SMURF1: variants seen among roughly 807,000 people sequenced by gnomAD.
SMURF1 encodes the protein E3 ubiquitin-protein ligase SMURF1.
SMURF1 carries 44 observed loss-of-function variants against 98.0 expected under a neutral mutation model. That is an observed-to-expected ratio of 0.45 (90% CI 0.35 to 0.58). The LOEUF is 0.58. Among genes scored for constraint, SMURF1 ranks in the 20% least tolerant of loss-of-function variants. The pLI, the probability that SMURF1 is intolerant of heterozygous loss-of-function variation, is 0.00. For missense variants in SMURF1, 687 were observed against 938.4 expected, an observed-to-expected ratio of 0.73 and a Z score of 3.50; for synonymous variants, 396 against 374.9, an observed-to-expected ratio of 1.06 and a Z score of -0.65.
chr7:99,061,964 TAGTA>T, intron 1 of SMURF1, 127 bp from the exon 2 acceptor site: 1 of 620,150 alleles, frequency 1.6e-6, no homozygotes, highest in Non-Finnish European at 2.7e-6. Flanking sequence ...CTTTCAAATC[TAGTA>T]TCATATGAAA....
chr7:99,143,649 T>C (rs1584229318), intron 1 of SMURF1, 77 bp downstream of exon 1: 1 of 1,331,610 alleles, frequency 7.5e-7, no homozygotes, highest in Non-Finnish European at 1.0e-6. Flanking sequence ...GAGGGCCGCT[T>C]CCAAGGGCGC....
chr7:99,098,724 G>A lies in SMURF1; in HGVS notation c.56-36887C>T, dbSNP rs561109297. Among the ~76,000 whole-genome samples, 19 of 152,218 alleles carry A rather than the reference G, an allele frequency of 1.2e-4. No individual in the cohort carries two copies. In the South Asian group the frequency reaches 3.9e-3, roughly 32 times the overall value. ...TTATATTTGTTCTATGTCTGGTCAAGGGAAACTGCAGAATTTAGCTGAATA... is the reference window on the plus strand; with the variant it reads ...TTATATTTGTTCTATGTCTGGTCAAAGGAAACTGCAGAATTTAGCTGAATA... On this transcript the variant is annotated intron_variant, in intron 1 of 17. Transcript: ENST00000361368.
Position 99,045,724 on chromosome 7 carries a change from T to C in SMURF1, c.1230A>G (p.Glu410=). The C allele has an allele frequency of 6.2e-7, 1 of 1,614,144 alleles. No individual in the cohort carries two copies. Among genetic ancestry groups the C allele is most frequent in the East Asian group, 2.2e-5 (1 of 44,894 alleles). ...TGGCCACACCACCGTAATCCAAACCTTCTTCCCCACGGAATTTCACCATCA... is the reference window on the plus strand; with the variant it reads ...TGGCCACACCACCGTAATCCAAACCCTCTTCCCCACGGAATTTCACCATCA... ...KRLMVKFRGE[E]GLDYGGVARE... The change falls in exon 11 of 18, where the codon GAA becomes GAG. Residue 410 remains glutamate, a synonymous_variant. Transcript: ENST00000361368.
At chr7:99,081,628 T>C (rs1431823258) in intron 1 of SMURF1, among the ~76,000 whole-genome samples, 1 of 152,172 alleles carries the variant, frequency 6.6e-6, no homozygotes, top group Non-Finnish European at 1.5e-5. Flanking sequence ...CACCACATTC[T>C]AGCCACCGCT....
At chr7:99,059,850 G>A (rs1795988167) in intron 3 of SMURF1, among the ~76,000 whole-genome samples, 1 of 151,554 alleles carries the variant, frequency 6.6e-6, no homozygotes, top group Non-Finnish European at 1.5e-5. Context: ...GGAGGTCACA[G>A]TGAGCCGAGA....
In SMURF1 at chr7:99,064,582, C is replaced by G. The variant is rs546676203; in HGVS notation, c.56-2745G>C. Among the ~76,000 whole-genome samples, 4 of 152,216 alleles carry G rather than the reference C, an allele frequency of 2.6e-5. No homozygotes were observed. The East Asian group carries it at 7.7e-4, about 29-fold the overall frequency. On this transcript the variant is annotated intron_variant, in intron 1 of 17. Coordinates refer to ENST00000361368, the MANE Select transcript of SMURF1 (RefSeq NM_181349.3). ...CAGATTTTTGCATTTCTTCTTCAGC[C>G]TTAGTAGTTTGTGTCTTTGTAGATG...
rs1486997847 is a variant in SMURF1, at chr7:99,142,638, G to A, written c.55+1088C>T. 3.2e-5 allele frequency among the ~76,000 whole-genome samples: 4 copies of A among 125,322 alleles called. No homozygotes were observed. The East Asian group carries it at 9.1e-4, about 29-fold the overall frequency. The allele number at this position is 125,322 out of a possible 152,430, so 82.2% of individuals were successfully genotyped here. ...GGGGAAGAAGGGAGGAGGACGGTGTGGGGGGGTGAGGGAGAAACGAAAGAG... is the reference window on the plus strand; with the variant it reads ...GGGGAAGAAGGGAGGAGGACGGTGTAGGGGGGTGAGGGAGAAACGAAAGAG... On this transcript the variant is annotated intron_variant, in intron 1 of 17. Transcript: ENST00000361368.
chr7:99,113,089 A>G (rs1249031275), intron 1 of SMURF1, among the ~76,000 whole-genome samples: 1 of 152,192 alleles, frequency 6.6e-6, no homozygotes, highest in Non-Finnish European at 1.5e-5. Context: ...GAGAAGAGAA[A>G]GGAGCAGGAA....
At chr7:99,052,138 A>G in intron 7 of SMURF1, 67 bp downstream of exon 7, 1 of 1,470,088 alleles carries the variant, frequency 6.8e-7, no homozygotes, top group Non-Finnish European at 9.0e-7. Flanking sequence ...GTCTCAAAAA[A>G]AAAAAAAAAG....
At chr7:99,073,385 A>G (rs1384465005) in intron 1 of SMURF1, among the ~76,000 whole-genome samples, 1 of 151,740 alleles carries the variant, frequency 6.6e-6, no homozygotes, top group Non-Finnish European at 1.5e-5. Flanking sequence ...CTCAAAAAAA[A>G]AAAAAAGAAA....
At chr7:99,125,836 T>C (rs1391662814) in intron 1 of SMURF1, among the ~76,000 whole-genome samples, 1 of 152,210 alleles carries the variant, frequency 6.6e-6, no homozygotes. Context: ...ATTTATCATC[T>C]CATTTCCTGA....
intron 16 of SMURF1, among the ~76,000 whole-genome samples, chr7:99,035,137 C>G (rs1235970731): frequency 6.6e-6 from 1 of 152,232 alleles, no homozygotes; most frequent in Non-Finnish European, 1.5e-5. Flanking sequence ...ATGTGCAGCT[C>G]CAAGCTTTGG....
In SMURF1 at chr7:99,046,362, G is replaced by A. The variant is rs186410490; in HGVS notation, c.1153-561C>T. The stretch of plus-strand genomic sequence containing the variant: ...CAGCACTTGAAGCAGAAGCCGCTAC[G>A]TGTTTATAGATGTAGATTCAGTAAC... On this transcript the variant is annotated intron_variant, in intron 10 of 17. Transcript: ENST00000361368. Among the ~76,000 whole-genome samples, 50 of 152,300 alleles carry A rather than the reference G, an allele frequency of 3.3e-4. No individual in the cohort carries two copies. In the East Asian group the frequency reaches 5.6e-3, roughly 17 times the overall value.
At chr7:99,137,734 C>A (rs1265729083) in intron 1 of SMURF1, among the ~76,000 whole-genome samples, 2 of 151,872 alleles carry the variant, frequency 1.3e-5, no homozygotes, top group Non-Finnish European at 2.9e-5. Context: ...CAGAGTGGGG[C>A]GCGTCACCAG....
intron 1 of SMURF1, among the ~76,000 whole-genome samples, chr7:99,084,809 C>G (rs1469590806): frequency 6.6e-6 from 1 of 152,162 alleles, no homozygotes; most frequent in South Asian, 2.1e-4. Flanking sequence ...ATGGGTCCCC[C>G]CGCAAATCTC....
chr7:99,029,376 ATCTAGCCTTGCT>A lies in SMURF1; in HGVS notation c.*1196_*1207del, dbSNP rs1794805429. ...CTGGAAATGGTGTCAGAAACTTCGA[ATCTAGCCTTGCT>A]TCTGGCCTTGCTCATCATATGAAGA... is the stretch of plus-strand genomic sequence containing the variant. On this transcript the variant is annotated 3_prime_UTR_variant, in exon 18 of 18. Coordinates refer to ENST00000361368, the MANE Select transcript of SMURF1 (RefSeq NM_181349.3). 1 of 152,456 alleles carries A rather than the reference ATCTAGCCTTGCT, an allele frequency of 6.6e-6. No individual in the cohort carries two copies. The highest frequency in any genetic ancestry group is 2.4e-5 in the African/African-American group (1 of 41,566). 9.4% of individuals were successfully genotyped at this position (152,456 alleles called of 1,614,324 possible).
At chr7:99,042,089 T>C in intron 12 of SMURF1, 29 bp downstream of exon 12, 1 of 1,547,706 alleles carries the variant, frequency 6.5e-7, no homozygotes, top group Non-Finnish European at 8.9e-7. Flanking sequence ...CCAACTCAAT[T>C]CCCTACCTCT....
In SMURF1 at chr7:99,051,420, C is replaced by T. The variant is rs1340222755; in HGVS notation, c.743G>A (p.Gly248Asp). 6.2e-7 allele frequency: 1 copy of T among 1,614,026 alleles called. No individual in the cohort carries two copies. Among genetic ancestry groups the T allele is most frequent in the Non-Finnish European group, 8.5e-7 (1 of 1,179,930 alleles). The change falls in exon 8 of 18, where the codon GGC becomes GAC. Residue 248 changes from glycine (G) to aspartate (D), a missense_variant. Gly to Asp is a moderately conservative substitution (Grantham distance 94, BLOSUM62 -1). This residue lies in a region of SMURF1 where 415 missense variants were observed against 508.4 expected (regional missense o/e 0.82). Transcript: ENST00000361368. Reference sequence around the variant, plus strand: ...CTGTGTATGCAAAAAGTAAACTTGGCCCTGGACTGTTGTTCTTTGTTCTAC... The same window carrying T: ...CTGTGTATGCAAAAAGTAAACTTGGTCCTGGACTGTTGTTCTTTGTTCTAC... The part of the protein sequence containing the change: ...EGYEQRTTVQ[G>D]QVYFLHTQTG...
intron 1 of SMURF1, among the ~76,000 whole-genome samples, chr7:99,077,614 G>A (rs914552109): frequency 6.6e-6 from 1 of 152,130 alleles, no homozygotes; most frequent in Non-Finnish European, 1.5e-5. Flanking sequence ...TTACAGGTGT[G>A]AGCCACTGCG....
Sources: allele counts gnomAD v4.1 joint callset (sites outside exome capture counted in the v4.1 genomes callset), GRCh38; gene constraint gnomAD v4.1.1; regional missense constraint gnomAD v4.1.1; transcripts MANE v1.5; gene names NCBI Gene and HGNC (gene_info 2026-07-23, HGNC 2026-07-21).